The following RNH1 variants were observed in gnomAD, a reference collection of about 807,000 sequenced individuals.
RNH1 encodes ribonuclease inhibitor.
Under a neutral mutation model 46.1 loss-of-function variants are expected in RNH1, and 38 were observed. The observed-to-expected ratio is 0.82, with a 90% confidence interval of 0.64 to 1.08. The LOEUF (loss-of-function observed/expected upper bound fraction) is 1.08, where lower values mean the gene tolerates loss of function less well. Among genes scored for constraint, RNH1 ranks in the 50% least tolerant of loss-of-function variants. RNH1 has a pLI of 0.00. For synonymous variants in RNH1, 319 were observed against 279.1 expected, an observed-to-expected ratio of 1.14 and a Z score of -1.43; for missense variants, 577 against 590.7, an observed-to-expected ratio of 0.98 and a Z score of 0.24.
intron 9 of RNH1, 22 bp from the exon 10 acceptor site, chr11:495,075 T>C (rs1184235817): frequency 1.3e-6 from 2 of 1,595,530 alleles, no homozygotes; most frequent in South Asian, 2.3e-5. Flanking sequence ...AGGGCGGGGG[T>C]CAGGGTGCCG....
rs781354565 is a variant in RNH1, at chr11:498,147, GAC to G, written c.957-8_957-7del. On this transcript the variant is annotated splice_region_variant and splice_polypyrimidine_tract_variant and intron_variant, in intron 8 of 10. Transcript: ENST00000354420. The stretch of plus-strand genomic sequence containing the variant: ...TGAAGCTGCAGGACTTCACCCTGTG[GAC>G]ACAGACAGGACTGACGCCTGGCAGG... 9 of 1,612,002 alleles carry G rather than the reference GAC, an allele frequency of 5.6e-6. No homozygotes were observed. Among genetic ancestry groups the G allele is most frequent in the South Asian group, 2.2e-5 (2 of 90,874 alleles).
rs765075092 is a variant in RNH1 at position 498,069 on chromosome 11, G to A, written c.1029C>T (p.Leu343=). The change falls in exon 9 of 11, where the codon CTC becomes CTT. Residue 343 remains leucine (L), a synonymous_variant. Transcript: ENST00000354420. The part of the protein sequence containing the change: ...FSSVLAQNRF[L]LELQISNNRL... ...TGTTGTTGCTTATCTGTAGCTCCAG[G>A]AGAAACCTGTTCTGGGCCAGCACTG... 15 of 1,614,050 alleles carry A rather than the reference G, an allele frequency of 9.3e-6. No homozygotes were observed. The highest frequency in any genetic ancestry group is 2.2e-5 in the East Asian group (1 of 44,908).
chr11:498,241 A>G, intron 8 of RNH1, 100 bp from the exon 9 acceptor site: 1 of 1,381,142 alleles, frequency 7.2e-7, no homozygotes, highest in Non-Finnish European at 9.8e-7. Flanking sequence ...CTGAGCAAAA[A>G]CATCTGACAG....
rs776562184 is a variant in RNH1, at chr11:500,493, T to C, written c.263A>G (p.Gln88Arg). The C allele has an allele frequency of 2.5e-6, 4 of 1,607,240 alleles. No homozygotes were observed. The highest frequency in any genetic ancestry group is 1.1e-5 in the South Asian group (1 of 91,000). Residue 88 changes from glutamine to arginine, a missense_variant, in exon 4 of 11, where the codon CAG becomes CGG. Physicochemically the swap from Gln to Arg is conservative, Grantham distance 43. Coordinates refer to ENST00000354420, the MANE Select transcript of RNH1 (RefSeq NM_203387.3). Reference sequence around the variant, plus strand: ...CCAGGCCCCGCCTCACCTCAGCTTCTGGATCTTGCAGGAGGGGGTCTGCAG... The same window carrying C: ...CCAGGCCCCGCCTCACCTCAGCTTCCGGATCTTGCAGGAGGGGGTCTGCAG... ...QGLQTPSCKIQKLSLQNCCLT... is the reference protein window; with the variant it reads ...QGLQTPSCKIRKLSLQNCCLT...
intron 9 of RNH1, 81 bp downstream of exon 9, chr11:497,890 A>G: frequency 2.0e-6 from 3 of 1,488,622 alleles, no homozygotes; most frequent in Non-Finnish European, 2.7e-6. Context: ...TCACACAGAT[A>G]CTCGTGCACT....
intron 2 of RNH1, chr11:503,173 T>TGGGGGGGGGGGG (rs1565039128): frequency 1.1e-4 from 1 of 9,398 alleles, no homozygotes; most frequent in Non-Finnish European, 2.0e-4. Context: ...CGGGGAGGGG[T>TGGGGGGGGGGGG]GGGTGGGGTG....
In RNH1 at chr11:495,043, A is replaced by G; in HGVS notation, c.1138T>C (p.Cys380Arg). ...CTGCAGCTGCTGTCACTCACATCGC[A>G]GTCGGCCAACCTGGGTGAAGCAGGG... ...SVLRVLWLAD[C>R]DVSDSSCSSL... The change falls in exon 10 of 11, where the codon TGC becomes CGC. Residue 380 changes from cysteine to arginine, a missense_variant. Transcript: ENST00000354420. 6.2e-7 allele frequency: 1 copy of G among 1,604,858 alleles called. No homozygotes were observed. The highest frequency in any genetic ancestry group is 8.5e-7 in the Non-Finnish European group (1 of 1,176,526).
Position 498,784 on chromosome 11 carries a change from C to G in RNH1, c.764G>C (p.Ser255Thr). Residue 255 changes from serine (S) to threonine (T), a missense_variant, in exon 7 of 11, where the codon AGC becomes ACC. Physicochemically the swap from Ser to Thr is moderately conservative, Grantham distance 58. Transcript: ENST00000354420. Reference protein sequence around the residue: ...AELCPGLLHPSSRLRTLWIWE... With the variant: ...AELCPGLLHPTSRLRTLWIWE... ...TCACCACAGGGTCCTGAGCCTGGAG[C>G]TGGGGTGGAGCAGCCCTGGGCACAG... 3 of 1,603,288 alleles carry G rather than the reference C, an allele frequency of 1.9e-6. No homozygotes were observed. Among genetic ancestry groups the G allele is most frequent in the Non-Finnish European group, 2.5e-6 (3 of 1,178,210 alleles).
chr11:501,565 C>T lies in RNH1; in HGVS notation c.101+497G>A, dbSNP rs1178009713. 1 of 160,704 alleles carries T rather than the reference C, an allele frequency of 6.2e-6. No individual in the cohort carries two copies. Among genetic ancestry groups the T allele is most frequent in the Non-Finnish European group, 1.4e-5 (1 of 72,936 alleles). 10.0% of individuals were successfully genotyped at this position (160,704 alleles called of 1,614,324 possible). A position where few individuals can be genotyped will look rare whatever the true frequency, so the allele number is the denominator to read the frequency against. On this transcript the variant is annotated intron_variant, in intron 3 of 10. Transcript: ENST00000354420. This position sits in a 1 kb window ranked among gnomAD's most constrained non-coding sequence, Gnocchi z 4.1. ...GGAGCCCCGTCCGGTCCTCGTAACT[C>T]CTCCGCAAACCTGACACTACTTGAA...
At position 494,692 on chromosome 11, in the gene RNH1, CAGG is replaced by C. The variant is rs1848876858; in HGVS notation, c.1382_1384del (p.Ser461del). The C allele has an allele frequency of 1.2e-6, 2 of 1,613,432 alleles. No homozygotes were observed. The highest frequency in any genetic ancestry group is 1.7e-6 in the Non-Finnish European group (2 of 1,179,794). ...GGGAGAGCAGCAGCAGGAAGAGCCT[CAGG>C]AGATGACCCTCAGGGATGGCTTGTC... On this transcript the variant is annotated inframe_deletion, in exon 11 of 11. Transcript: ENST00000354420.
chr11:498,257 C>T, intron 8 of RNH1, 116 bp from the exon 9 acceptor site: 1 of 1,312,134 alleles, frequency 7.6e-7, no homozygotes, highest in Non-Finnish European at 1.0e-6. Context: ...GACAGCCTCC[C>T]AGCAAGTGGG....
At chr11:506,764 A>T (rs1320677542) in intron 1 of RNH1, 1 of 152,298 alleles carries the variant, frequency 6.6e-6, no homozygotes, top group Non-Finnish European at 1.5e-5. Flanking sequence ...AGCTCGCTGG[A>T]ATCTAAGGCA....
At chr11:496,829 C>A (rs984072343) in intron 9 of RNH1, among the ~76,000 whole-genome samples, 2 of 152,248 alleles carry the variant, frequency 1.3e-5, no homozygotes, top group African/African-American at 2.4e-5. Context: ...GAAAACAAAT[C>A]TGGAAAAACA....
intron 9 of RNH1, among the ~76,000 whole-genome samples, chr11:497,747 T>A (rs887674585): frequency 5.7e-5 from 7 of 122,272 alleles, no homozygotes; most frequent in African/African-American, 1.9e-4. Context: ...ACCCTCGTGC[T>A]CACTCACGTG....
intron 9 of RNH1, among the ~76,000 whole-genome samples, chr11:496,747 G>A (rs978845583): frequency 6.6e-6 from 1 of 152,240 alleles, no homozygotes; most frequent in South Asian, 2.1e-4. Flanking sequence ...CAGAACAGGG[G>A]CACAAGACCC....
intron 9 of RNH1, among the ~76,000 whole-genome samples, chr11:497,248 CAT>C (rs1849197197): frequency 6.8e-6 from 1 of 147,300 alleles, no homozygotes; most frequent in Non-Finnish European, 1.5e-5. Flanking sequence ...CACGGACACT[CAT>C]GCTCACTCTC....
rs529599227 is a variant in RNH1, at chr11:494,835, C to A, written c.1298+48G>T. On this transcript the variant is annotated intron_variant, in intron 10 of 10. Transcript: ENST00000354420. ...CGTGTCCTCCCCCACCCCCGCCTTCCTCCCTGGGCAGCCCTGGCCGCACCA... is the reference window on the plus strand; with the variant it reads ...CGTGTCCTCCCCCACCCCCGCCTTCATCCCTGGGCAGCCCTGGCCGCACCA... 65 of 1,612,768 alleles carry A rather than the reference C, an allele frequency of 4.0e-5. No individual in the cohort carries two copies. In the South Asian group the frequency reaches 6.6e-4, roughly 16 times the overall value.
chr11:495,126 G>A, intron 9 of RNH1, 73 bp from the exon 10 acceptor site: 12 of 1,476,404 alleles, frequency 8.1e-6, no homozygotes, highest in Non-Finnish European at 1.1e-5. Context: ...GCAGGCCTGG[G>A]CCTGGGGGGC....
rs569104744 is a variant in RNH1 at position 499,346 on chromosome 11, G to A, written c.444-161C>T. On this transcript the variant is annotated intron_variant, in intron 5 of 10. Coordinates refer to ENST00000354420, the MANE Select transcript of RNH1 (RefSeq NM_203387.3). ...CCCCCACAGACTCATCCAGAGGCCC[G>A]GGCCTCTGTGGACACCGGCATTCCT... is the stretch of plus-strand genomic sequence containing the variant. The A allele has an allele frequency of 3.0e-4, 221 of 732,150 alleles. 4 individuals are homozygous for A. In the South Asian group the frequency reaches 3.4e-3, roughly 11 times the overall value. The allele number at this position is 732,150 out of a possible 1,614,324, so 45.4% of individuals were successfully genotyped here.
Sources: allele counts gnomAD v4.1 joint callset (sites outside exome capture counted in the v4.1 genomes callset), GRCh38; gene constraint gnomAD v4.1.1; non-coding constraint Gnocchi (gnomAD v3.1); transcripts MANE v1.5; gene names NCBI Gene and HGNC (gene_info 2026-07-23, HGNC 2026-07-21).